The following OPCML variants were observed in gnomAD, a reference collection of about 807,000 sequenced individuals.
OPCML encodes the protein opioid-binding protein/cell adhesion molecule.
In OPCML, 13 loss-of-function variants were observed where a neutral mutation model predicts 37.8. The ratio of observed to expected loss-of-function variants is 0.34; its 90% confidence interval spans 0.22 to 0.55. The LOEUF (loss-of-function observed/expected upper bound fraction) is 0.55, where lower values mean the gene tolerates loss of function less well. Ranked by LOEUF, OPCML falls within the 20% of genes least tolerant of loss-of-function variation. OPCML has a pLI of 0.91. For missense variants in OPCML, 341 were observed against 435.6 expected, an observed-to-expected ratio of 0.78 and a Z score of 1.93; for synonymous variants, 176 against 168.8, an observed-to-expected ratio of 1.04 and a Z score of -0.33.
chr11:133,187,073 T>C (rs1171781347), intron 1 of OPCML, among the ~76,000 whole-genome samples: 1 of 152,142 alleles, frequency 6.6e-6, no homozygotes, highest in Non-Finnish European at 1.5e-5. Flanking sequence ...CATTATAAGC[T>C]GAAAAGTGAC....
intron 4 of OPCML, among the ~76,000 whole-genome samples, chr11:132,492,718 C>A (rs796528797): frequency 6.6e-6 from 1 of 152,078 alleles, no homozygotes; most frequent in Admixed American, 6.5e-5. Flanking sequence ...AAATCAATAG[C>A]GTTTAAAAGC....
At chr11:133,143,064 T>TA (rs1159935136) in intron 1 of OPCML, among the ~76,000 whole-genome samples, 1 of 152,174 alleles carries the variant, frequency 6.6e-6, no homozygotes, top group Non-Finnish European at 1.5e-5. Flanking sequence ...ACTGAATATC[T>TA]ACTCCATGTG....
At chr11:133,235,714 A>G (rs1940481414) in intron 1 of OPCML, among the ~76,000 whole-genome samples, 1 of 152,202 alleles carries the variant, frequency 6.6e-6, no homozygotes, top group African/African-American at 2.4e-5. Flanking sequence ...TAGGGACCCC[A>G]GAAGAGCTTC....
At chr11:133,419,230 C>T (rs1945832161) in intron 1 of OPCML, 1 of 985,148 alleles carries the variant, frequency 1.0e-6, no homozygotes, top group Non-Finnish European at 1.2e-6. Flanking sequence ...GAGGTAATTA[C>T]AGTCATAGTT....
At chr11:132,692,076 C>T (rs181922275) in intron 2 of OPCML, among the ~76,000 whole-genome samples, 77 of 152,244 alleles carry the variant, frequency 5.1e-4, no homozygotes, top group African/African-American at 1.7e-3. Context: ...ACCTGCTCCC[C>T]GACTGATTTC....
rs528389490 is a variant in OPCML, at chr11:132,576,913, C to T, written c.380-47727G>A. ...ATCCAAGCTGCCACGTCCACTCTCT[C>T]CCAGGCTGCTGACTCATCCAAGCTC... On this transcript the variant is annotated intron_variant, in intron 3 of 7. Transcript: ENST00000524381. 1.8e-4 allele frequency among the ~76,000 whole-genome samples: 27 copies of T among 152,270 alleles called. No homozygotes were observed. In the South Asian group the frequency reaches 5.4e-3, roughly 30 times the overall value.
At chr11:132,725,419 C>A (rs908357375) in intron 2 of OPCML, among the ~76,000 whole-genome samples, 4 of 152,138 alleles carry the variant, frequency 2.6e-5, no homozygotes, top group Admixed American at 6.5e-5. Context: ...GCCCAGGAAA[C>A]CACTTTTTCC....
chr11:133,029,887 T>C (rs1405535674), intron 1 of OPCML, among the ~76,000 whole-genome samples: 4 of 152,040 alleles, frequency 2.6e-5, no homozygotes, highest in African/African-American at 9.7e-5. Context: ...GTAAAACTCA[T>C]TCATTATCTA....
intron 1 of OPCML, among the ~76,000 whole-genome samples, chr11:132,980,612 A>G (rs961070677): frequency 1.3e-5 from 2 of 152,178 alleles, no homozygotes; most frequent in Non-Finnish European, 2.9e-5. Context: ...TTAATTTTTA[A>G]GTGTGTTATG....
chr11:132,636,305 C>A (rs1940492773), intron 3 of OPCML, among the ~76,000 whole-genome samples: 1 of 152,172 alleles, frequency 6.6e-6, no homozygotes, highest in African/African-American at 2.4e-5. Flanking sequence ...AAGCAATTAT[C>A]TGGGTGCTTC....
At chr11:133,257,884 C>T (rs146066858) in intron 1 of OPCML, among the ~76,000 whole-genome samples, 2 of 150,310 alleles carry the variant, frequency 1.3e-5, no homozygotes, top group Admixed American at 6.7e-5. Flanking sequence ...AGGAGATCAA[C>T]GTAGCTGAAC....
chr11:132,476,367 G>A (rs2096155576), intron 4 of OPCML, among the ~76,000 whole-genome samples: 2 of 151,962 alleles, frequency 1.3e-5, no homozygotes, highest in Admixed American at 1.3e-4. Context: ...TATAAATCAT[G>A]CTGCTATAAA....
chr11:132,713,127 C>T (rs1944333365), intron 2 of OPCML, among the ~76,000 whole-genome samples: 1 of 152,154 alleles, frequency 6.6e-6, no homozygotes, highest in East Asian at 1.9e-4. Flanking sequence ...TTTGAGGGAG[C>T]CAGTTATTAT....
chr11:133,262,651 A>G (rs1294667207), intron 1 of OPCML, among the ~76,000 whole-genome samples: 2 of 152,170 alleles, frequency 1.3e-5, no homozygotes, highest in African/African-American at 4.8e-5. Flanking sequence ...AACGCTATGA[A>G]TATCTTGAGC....
At chr11:132,597,064 G>A (rs990744754) in intron 3 of OPCML, among the ~76,000 whole-genome samples, 6 of 152,024 alleles carry the variant, frequency 3.9e-5, no homozygotes, top group Non-Finnish European at 8.8e-5. Context: ...CTATCCTTTT[G>A]GCTAAATATA....
At chr11:133,053,835 C>G (rs1412324738) in intron 1 of OPCML, among the ~76,000 whole-genome samples, 3 of 152,092 alleles carry the variant, frequency 2.0e-5, no homozygotes, top group African/African-American at 7.2e-5. Context: ...ATTCCCAATC[C>G]CTCTTCTCAA....
At chr11:132,867,019 C>T (rs1388252776) in intron 2 of OPCML, among the ~76,000 whole-genome samples, 1 of 152,196 alleles carries the variant, frequency 6.6e-6, no homozygotes, top group East Asian at 1.9e-4. Context: ...CATGACACAT[C>T]CTTTTCACTT....
chr11:132,541,459 C>A (rs948722580), intron 3 of OPCML, among the ~76,000 whole-genome samples: 12 of 151,744 alleles, frequency 7.9e-5, no homozygotes, highest in Admixed American at 1.3e-4. Flanking sequence ...GGGTTTTTGT[C>A]ACAGTGTCTG....
chr11:133,269,152 G>A (rs1204190704), intron 1 of OPCML, among the ~76,000 whole-genome samples: 1 of 152,154 alleles, frequency 6.6e-6, no homozygotes. Flanking sequence ...ATGTCTAAGA[G>A]TGATGCTACA....
Sources: allele counts gnomAD v4.1 joint callset (sites outside exome capture counted in the v4.1 genomes callset), GRCh38; gene constraint gnomAD v4.1.1; transcripts MANE v1.5; gene names NCBI Gene and HGNC (gene_info 2026-07-23, HGNC 2026-07-21).